PLIN4: variants seen among roughly 807,000 people sequenced by gnomAD.
PLIN4 encodes the protein perilipin 4.
PLIN4 carries 57 observed loss-of-function variants against 52.4 expected under a neutral mutation model. That is an observed-to-expected ratio of 1.09 (90% CI 0.88 to 1.36). The LOEUF (loss-of-function observed/expected upper bound fraction) is 1.36. Among genes scored for constraint, PLIN4 ranks in the 40% most tolerant of loss-of-function variants. The pLI is 0.00. For synonymous variants in PLIN4, 826 were observed against 785.4 expected, an observed-to-expected ratio of 1.05 and a Z score of -0.86; for missense variants, 1,757 against 1,770.3, an observed-to-expected ratio of 0.99 and a Z score of 0.13.
chr19:4,514,969 A>G (rs1023460330), intron 4 of PLIN4, among the ~76,000 whole-genome samples: 2 of 151,778 alleles, frequency 1.3e-5, no homozygotes, highest in Non-Finnish European at 2.9e-5. Context: ...TGAGGTCAAG[A>G]GTTCGAGACC....
chr19:4,517,133 G>A (rs889790032), intron 3 of PLIN4, among the ~76,000 whole-genome samples: 2 of 152,184 alleles, frequency 1.3e-5, no homozygotes. Flanking sequence ...CCCTGTCACC[G>A]TCCCTGATCG....
At chr19:4,516,736 G>A (rs376493245) in intron 3 of PLIN4, 58 bp from the exon 4 acceptor site, 66 of 1,466,760 alleles carry the variant, frequency 4.5e-5, no homozygotes, top group African/African-American at 2.8e-4. Context: ...CCATCTACCC[G>A]GCTGCCCATT....
intron 2 of PLIN4, among the ~76,000 whole-genome samples, chr19:4,517,946 A>G (rs1180615386): frequency 6.6e-6 from 1 of 152,144 alleles, no homozygotes; most frequent in Non-Finnish European, 1.5e-5. Flanking sequence ...CAGGATCCCC[A>G]CTGCACAGAT....
rs931678309 is a variant in PLIN4 at position 4,503,511 on chromosome 19, G to A, written c.*948C>T. 1.3e-5 allele frequency: 2 copies of A among 152,540 alleles called. No individual in the cohort carries two copies. The highest frequency in any genetic ancestry group is 6.5e-5 in the Admixed American group (1 of 15,286). The allele number at this position is 152,540 out of a possible 1,614,324, so 9.4% of individuals were successfully genotyped here. The stretch of plus-strand genomic sequence containing the variant: ...GCCTGAGGACCCAGGGGGAGTGTGC[G>A]GCGGAGGAAGGGCTGTGCCATAGGC... On this transcript the variant is annotated 3_prime_UTR_variant, in exon 8 of 8. Coordinates refer to ENST00000301286, the MANE Select transcript of PLIN4 (RefSeq NM_001367868.2).
Position 4,502,386 on chromosome 19 carries a change from G to C in PLIN4, c.*2073C>G, listed in dbSNP as rs1975941247. 5.6e-6 allele frequency: 2 copies of C among 354,482 alleles called. No individual in the cohort carries two copies. Among genetic ancestry groups the C allele is most frequent in the Non-Finnish European group, 1.1e-5 (2 of 188,944 alleles). 22.0% of individuals were successfully genotyped at this position (354,482 alleles called of 1,614,324 possible). On this transcript the variant is annotated 3_prime_UTR_variant, in exon 8 of 8. Coordinates refer to ENST00000301286, the MANE Select transcript of PLIN4 (RefSeq NM_001367868.2). ...CAACCCTGAAAGGCCAGTGGCAGGA[G>C]AGCTGGGCGGGAGCAAGCTCTTCCC...
In PLIN4 at chr19:4,511,914, G is replaced by A; in HGVS notation, c.2046C>T (p.Ala682=). Residue 682 remains alanine, a synonymous_variant, in exon 5 of 8, where the codon GCC becomes GCT. Coordinates refer to ENST00000301286, the MANE Select transcript of PLIN4 (RefSeq NM_001367868.2). ...TCTTGGCCGTGTCTACACCTGTCTG[G>A]GCAGCCCCTTTGGCCACATTCACAG... is the stretch of plus-strand genomic sequence containing the variant. ...TSAVNVAKGA[A]QTGVDTAKTV... 3.1e-6 allele frequency: 5 copies of A among 1,604,362 alleles called. No homozygotes were observed. The Middle Eastern group carries it at 5.0e-4, about 159-fold the overall frequency.
At position 4,508,936 on chromosome 19, in the gene PLIN4, C is replaced by A; in HGVS notation, c.3534G>T (p.Gln1178His). The part of the protein sequence containing the change: ...AEEQAQLAAS[Q>H]PGPKVLSAEQ... ...CCGCCGACAGCACCTTTGGCCCAGGCTGGGAGGCAGCCAGCTGAGCTGGAA... is the reference window on the plus strand; with the variant it reads ...CCGCCGACAGCACCTTTGGCCCAGGATGGGAGGCAGCCAGCTGAGCTGGAA... The change falls in exon 6 of 8, where the codon CAG (glutamine) becomes CAT (histidine). Residue 1178 changes from glutamine to histidine, a missense_variant. Gln to His is a conservative substitution (Grantham distance 24). This residue lies in a region of PLIN4 where 712 missense variants were observed against 637.1 expected (regional missense o/e 1.12). Coordinates refer to ENST00000301286, the MANE Select transcript of PLIN4 (RefSeq NM_001367868.2). The A allele has an allele frequency of 6.2e-7, 1 of 1,611,296 alleles. No homozygotes were observed. The highest frequency in any genetic ancestry group is 8.5e-7 in the Non-Finnish European group (1 of 1,178,986).
chr19:4,516,779 G>C, intron 3 of PLIN4, 101 bp from the exon 4 acceptor site: 1 of 1,200,668 alleles, frequency 8.3e-7, no homozygotes, highest in South Asian at 1.6e-5. Flanking sequence ...AAAAGGTCAG[G>C]AATGTTTCAG....
At chr19:4,504,822 G>GGGCGGGGTGGGGGGACCCT in intron 7 of PLIN4, 37 bp from the exon 8 acceptor site, 1 of 1,602,936 alleles carries the variant, frequency 6.2e-7, no homozygotes, top group Non-Finnish European at 8.5e-7. Flanking sequence ...GGAGACCCAT[G>GGGCGGGGTGGGGGGACCCT]GGCGGGGTGG....
Position 4,512,962 on chromosome 19 carries a change from G to A in PLIN4, c.998C>T (p.Thr333Ile), listed in dbSNP as rs890367060. 4.3e-6 allele frequency: 3 copies of A among 691,720 alleles called. No individual in the cohort carries two copies. The highest frequency in any genetic ancestry group is 5.1e-5 in the East Asian group (2 of 39,376). The allele number at this position is 691,720 out of a possible 1,614,324, so 42.8% of individuals were successfully genotyped here. A position where few individuals can be genotyped will look rare whatever the true frequency, so the allele number is the denominator to read the frequency against. The change falls in exon 5 of 8, where the codon ACC becomes ATC. Residue 333 changes from threonine (T) to isoleucine (I), a missense_variant. Around this residue, in one of 7 missense-constraint regions of PLIN4, gnomAD observed 99 missense variants for 143.4 expected, o/e 0.69. Transcript: ENST00000301286. ...CACCCCACTACAGACGGTGTCCTTGGTACCTGTTAGGACAGTCTTACTGGT... is the reference window on the plus strand; with the variant it reads ...CACCCCACTACAGACGGTGTCCTTGATACCTGTTAGGACAGTCTTACTGGT... ...VDTSKTVLTG[T>I]KDTVCSGVTG...
In PLIN4 at chr19:4,511,536, A is replaced by G. The variant is rs202212610; in HGVS notation, c.2424T>C (p.Asn808=). Residue 808 remains asparagine, a synonymous_variant, in exon 5 of 8, where the codon AAT becomes AAC. Transcript: ENST00000301286. The stretch of plus-strand genomic sequence containing the variant: ...CCATCTGGACGGCCCCCTTGGCCAC[A>G]TTCGCAGCACCGGTCACCCCACTGC... ...AVCSGVTGAA[N]VAKGAVQMGV... is the part of the protein sequence containing the mutation. 1,952 of 1,455,152 alleles carry G rather than the reference A, an allele frequency of 1.3e-3. 6 individuals carry two copies. The African/African-American group carries it at 0.03, about 23-fold the overall frequency. The allele number at this position is 1,455,152 out of a possible 1,614,324, so 90.1% of individuals were successfully genotyped here.
Position 4,504,683 on chromosome 19 carries a change from G to C in PLIN4, c.3892C>G (p.Leu1298Val), listed in dbSNP as rs1211388201. 6.2e-7 allele frequency: 1 copy of C among 1,601,158 alleles called. No individual in the cohort carries two copies. ...VSSLQGLPAELQQPVGRARHS... is the reference protein window; with the variant it reads ...VSSLQGLPAEVQQPVGRARHS... ...CGCGCCCGCCCCACTGGCTGCTGGA[G>C]CTCGGCGGGCAGGCCCTGGAGGCTG... The change falls in exon 8 of 8, where the codon CTC becomes GTC. Residue 1298 changes from leucine (L) to valine (V), a missense_variant. By Grantham distance (32) the Leu-to-Val change is conservative. Transcript: ENST00000301286.
Position 4,510,486 on chromosome 19 carries a change from C to A in PLIN4, c.3474G>T (p.Gly1158=). Residue 1158 remains glycine, a synonymous_variant, in exon 5 of 8, where the codon GGG becomes GGT. Coordinates refer to ENST00000301286, the MANE Select transcript of PLIN4 (RefSeq NM_001367868.2). ...TCATGGGGTGGAAGATGTCCCCCAG[C>A]CCCTCCAACTCATTCTGCAGCATTG... The part of the protein sequence containing the change: ...RLAMLQNELE[G]LGDIFHPMNA... The A allele has an allele frequency of 6.9e-7, 1 of 1,457,928 alleles. No individual in the cohort carries two copies. The allele number at this position is 1,457,928 out of a possible 1,614,324, so 90.3% of individuals were successfully genotyped here.
rs781768990 is a variant in PLIN4 at position 4,510,756 on chromosome 19, G to A, written c.3204C>T (p.Thr1068=). The A allele has an allele frequency of 1.9e-6, 3 of 1,562,884 alleles. No individual in the cohort carries two copies. Among genetic ancestry groups the A allele is most frequent in the South Asian group, 1.2e-5 (1 of 83,292 alleles). ...STPATSWGGL[T]SSRTTDNGGE... The stretch of plus-strand genomic sequence containing the variant: ...CACCATTGTCTGTGGTCCTGGAACT[G>A]GTGAGTCCACCCCAGGAGGTGGCGG... Residue 1068 remains threonine, a synonymous_variant, in exon 5 of 8, where the codon ACC becomes ACT. Coordinates refer to ENST00000301286, the MANE Select transcript of PLIN4 (RefSeq NM_001367868.2).
At position 4,513,634 on chromosome 19, in the gene PLIN4, C is replaced by A; in HGVS notation, c.326G>T (p.Gly109Val). 1 of 1,609,232 alleles carries A rather than the reference C, an allele frequency of 6.2e-7. No homozygotes were observed. The highest frequency in any genetic ancestry group is 1.1e-5 in the South Asian group (1 of 90,474). Reference protein sequence around the residue: ...MSRAKDAVSSGVASVVDVAKG... With the variant: ...MSRAKDAVSSVVASVVDVAKG... ...AGCCACGTCCACCACGCTGGCCACC[C>A]CGGAGGACACGGCATCCTTGGCCCT... The change falls in exon 5 of 8, where the codon GGG becomes GTG. Residue 109 changes from glycine to valine, a missense_variant. By Grantham distance (109) the Gly-to-Val change is moderately radical. Coordinates refer to ENST00000301286, the MANE Select transcript of PLIN4 (RefSeq NM_001367868.2).
rs769446707 is a variant in PLIN4 at position 4,517,526 on chromosome 19, C to T, written c.196+28G>A. The stretch of plus-strand genomic sequence containing the variant: ...CCCAGGTCCATGTGTAGAGTCCCCC[C>T]ACGCCCCCAGCTGGGCCAGCCACTC... On this transcript the variant is annotated intron_variant, in intron 3 of 7. Transcript: ENST00000301286. The T allele has an allele frequency of 3.8e-6, 6 of 1,593,356 alleles. No individual in the cohort carries two copies. The South Asian group carries it at 4.5e-5, about 12-fold the overall frequency.
rs149760571 is a variant in PLIN4 at position 4,502,328 on chromosome 19, G to GAGAA, written c.*2127_*2130dup. On this transcript the variant is annotated 3_prime_UTR_variant, in exon 8 of 8. Transcript: ENST00000301286. ...CTGGGTTGAGCCATCAGGCCACCGT[G>GAGAA]AGAAGCGACTAAAAGGCACTCTGGG... is the stretch of plus-strand genomic sequence containing the variant. 0.044 allele frequency: 18,441 copies of GAGAA among 418,812 alleles called. 587 individuals carry two copies. Among genetic ancestry groups the GAGAA allele is most frequent in the Non-Finnish European group, 0.06 (13,598 of 227,030 alleles). The allele number at this position is 418,812 out of a possible 1,614,324, so 25.9% of individuals were successfully genotyped here.
Position 4,504,413 on chromosome 19 carries a change from TG to T in PLIN4, c.*45del, listed in dbSNP as rs1388126662. Reference sequence around the variant, plus strand: ...AGAAAGTTCTGAGGCAGCTCCTCCCTGGACAGAGCAGGGCGACCCCGCGCCG... The same window carrying T: ...AGAAAGTTCTGAGGCAGCTCCTCCCTGACAGAGCAGGGCGACCCCGCGCCG... On this transcript the variant is annotated 3_prime_UTR_variant, in exon 8 of 8. Transcript: ENST00000301286. 1 of 1,457,190 alleles carries T rather than the reference TG, an allele frequency of 6.9e-7. No homozygotes were observed. The highest frequency in any genetic ancestry group is 1.4e-5 in the African/African-American group (1 of 71,014). 90.3% of individuals were successfully genotyped at this position (1,457,190 alleles called of 1,614,324 possible).
rs376310212 is a variant in PLIN4 at position 4,504,590 on chromosome 19, G to A, written c.3985C>T (p.Arg1329Trp). The change falls in exon 8 of 8, where the codon CGG becomes TGG. Residue 1329 changes from arginine to tryptophan, a missense_variant. By Grantham distance (101) the Arg-to-Trp change is moderately radical. Coordinates refer to ENST00000301286, the MANE Select transcript of PLIN4 (RefSeq NM_001367868.2). ...AGSVEELPAERLVQSREGVHQ... is the reference protein window; with the variant it reads ...AGSVEELPAEWLVQSREGVHQ... ...ACACCCTCGCGGCTCTGCACCAGCC[G>A]CTCTGCGGGCAGCTCCTCTACAGAG... 345 of 1,603,638 alleles carry A rather than the reference G, an allele frequency of 2.2e-4. 4 individuals are homozygous for A. The highest frequency in any genetic ancestry group is 1.8e-3 in the South Asian group (161 of 90,020).
Sources: allele counts gnomAD v4.1 joint callset (sites outside exome capture counted in the v4.1 genomes callset), GRCh38; gene constraint gnomAD v4.1.1; regional missense constraint gnomAD v4.1.1; transcripts MANE v1.5; gene names NCBI Gene and HGNC (gene_info 2026-07-23, HGNC 2026-07-21).